Variants in TUSC3 observed in about 807,000 individuals in gnomAD.
TUSC3 encodes the protein dolichyl-diphosphooligosaccharide--protein glycosyltransferase subunit TUSC3.
TUSC3 carries 45 observed loss-of-function variants against 44.8 expected under a neutral mutation model. The ratio of observed to expected loss-of-function variants is 1.00; its 90% CI spans 0.79 to 1.29. The LOEUF (loss-of-function observed/expected upper bound fraction) is 1.29, where lower values mean the gene tolerates loss of function less well. Ranked by LOEUF, TUSC3 falls within the 50% of genes most tolerant of loss-of-function variation. The pLI, the probability that TUSC3 is intolerant of heterozygous loss-of-function variation, is 0.00. For missense variants in TUSC3, 519 were observed against 437.9 expected (o/e 1.19, Z -1.65); for synonymous variants, 212 against 152.9 (o/e 1.39, Z -2.85).
intron 2 of TUSC3, among the ~76,000 whole-genome samples, chr8:15,641,663 A>C (rs1359688669): frequency 6.6e-6 from 1 of 152,172 alleles, no homozygotes; most frequent in Non-Finnish European, 1.5e-5. Context: ...TTGTCATGCT[A>C]AAAAGGGGAA....
chr8:15,518,990 A>G (rs927780200), intron 2 of TUSC3, among the ~76,000 whole-genome samples: 1 of 152,224 alleles, frequency 6.6e-6, no homozygotes, highest in African/African-American at 2.4e-5. Context: ...AAATCTCTGT[A>G]TGCAAATAAA....
the TUSC3 span, among the ~76,000 whole-genome samples, chr8:15,821,430 C>T: frequency 0.01 from 1,435 of 139,904 alleles, 31 homozygotes; most frequent in African/African-American, 0.035. Context: ...TATGTCTTTC[C>T]GATGATTTGG....
the TUSC3 span, among the ~76,000 whole-genome samples, chr8:15,772,103 G>C: frequency 6.6e-6 from 1 of 151,522 alleles, no homozygotes; most frequent in African/African-American, 2.4e-5. Flanking sequence ...AGAAAAAAAA[G>C]AAAAAGAAAG....
chr8:15,620,896 T>C (rs1301457288), intron 1 of TUSC3, among the ~76,000 whole-genome samples: 1 of 152,212 alleles, frequency 6.6e-6, no homozygotes, highest in Non-Finnish European at 1.5e-5. Flanking sequence ...TTTTCATAGA[T>C]ACATATTTGG....
intron 2 of TUSC3, among the ~76,000 whole-genome samples, chr8:15,494,729 G>T (rs1241613365): frequency 6.6e-6 from 1 of 152,306 alleles, no homozygotes; most frequent in South Asian, 2.1e-4. Flanking sequence ...AGAATATCCA[G>T]ACAGAACGGA....
At chr8:15,490,587 G>C (rs1351098915) in intron 2 of TUSC3, among the ~76,000 whole-genome samples, 2 of 152,174 alleles carry the variant, frequency 1.3e-5, no homozygotes, top group African/African-American at 4.8e-5. Context: ...GCCCAGCTCA[G>C]ACACAAAGTG....
chr8:15,656,627 G>T (rs1807178278), intron 3 of TUSC3, among the ~76,000 whole-genome samples: 2 of 145,334 alleles, frequency 1.4e-5, no homozygotes, highest in Non-Finnish European at 3.0e-5. Context: ...CCAAGCCCAC[G>T]CAACAGCTCT....
At chr8:15,498,904 C>A (rs1200155567) in intron 2 of TUSC3, among the ~76,000 whole-genome samples, 1 of 152,192 alleles carries the variant, frequency 6.6e-6, no homozygotes, top group African/African-American at 2.4e-5. Context: ...TCCCATATTA[C>A]TTATAGTGTT....
chr8:15,781,091 TC>T, the TUSC3 span, among the ~76,000 whole-genome samples: 1 of 152,158 alleles, frequency 6.6e-6, no homozygotes, highest in African/African-American at 2.4e-5. Flanking sequence ...GCTTAGCACT[TC>T]CTGAGTGTTC....
At chr8:15,479,884 T>C (rs111424368) in intron 1 of TUSC3, among the ~76,000 whole-genome samples, 2,694 of 152,274 alleles carry the variant, frequency 0.018, 82 homozygotes, top group African/African-American at 0.061. Flanking sequence ...GATGATATGG[T>C]CCTATATGTG....
At chr8:15,446,088 G>T (rs141923264) in intron 1 of TUSC3, among the ~76,000 whole-genome samples, 1 of 150,208 alleles carries the variant, frequency 6.7e-6, no homozygotes, top group African/African-American at 2.5e-5. Flanking sequence ...CCTCCCAGAC[G>T]GGGTGGCGGT....
Position 15,764,185 on chromosome 8 carries a change from ATTTT to A in TUSC3, c.*47-17_*47-14del, listed in dbSNP as rs1812262173. On this transcript the variant is annotated splice_polypyrimidine_tract_variant and intron_variant, in intron 10 of 10. Coordinates refer to ENST00000503731, the MANE Select transcript of TUSC3 (RefSeq NM_006765.4). Reference sequence around the variant, plus strand: ...TATGTTCTATGTTCAGCACATAATAATTTTCTTTCTTTTTCAGCTTTTTAATTAA... The same window carrying A: ...TATGTTCTATGTTCAGCACATAATAACTTTCTTTTTCAGCTTTTTAATTAA... 1 of 1,597,722 alleles carries A rather than the reference ATTTT, an allele frequency of 6.3e-7. No homozygotes were observed. The highest frequency in any genetic ancestry group is 8.6e-7 in the Non-Finnish European group (1 of 1,166,952).
At chr8:15,781,830 C>T in the TUSC3 span, among the ~76,000 whole-genome samples, 1 of 152,038 alleles carries the variant, frequency 6.6e-6, no homozygotes, top group East Asian at 1.9e-4. Context: ...CCAAACAAAG[C>T]TACTATAAGA....
chr8:15,529,838 C>T (rs568628388), intron 2 of TUSC3, among the ~76,000 whole-genome samples: 4 of 117,990 alleles, frequency 3.4e-5, no homozygotes, highest in East Asian at 2.7e-4. Flanking sequence ...TTGCCCAGGC[C>T]GGACTGCGGA....
intron 2 of TUSC3, among the ~76,000 whole-genome samples, chr8:15,521,657 C>A (rs1025347987): frequency 6.6e-6 from 1 of 152,086 alleles, no homozygotes; most frequent in Non-Finnish European, 1.5e-5. Context: ...AGAAAGTTTA[C>A]GAATTTATGT....
intron 7 of TUSC3, among the ~76,000 whole-genome samples, chr8:15,737,978 A>T (rs1315587331): frequency 6.6e-6 from 1 of 152,134 alleles, no homozygotes; most frequent in African/African-American, 2.4e-5. Flanking sequence ...ACGATTCTCA[A>T]CTCAACTCCT....
chr8:15,679,311 A>G (rs942888605), intron 6 of TUSC3, among the ~76,000 whole-genome samples: 1 of 151,912 alleles, frequency 6.6e-6, no homozygotes, highest in Admixed American at 6.6e-5. Flanking sequence ...ACTTGTGGGA[A>G]ATGGTGTCTC....
intron 1 of TUSC3, among the ~76,000 whole-genome samples, chr8:15,586,848 C>A (rs927329885): frequency 2.6e-5 from 4 of 152,108 alleles, no homozygotes; most frequent in Admixed American, 1.3e-4. Flanking sequence ...CTTAGACCAC[C>A]ACCTTTGGCG....
chr8:15,429,288 A>G lies in TUSC3; in HGVS notation n.91+11983A>G, dbSNP rs1028097682. Among the ~76,000 whole-genome samples, 12 of 152,186 alleles carry G rather than the reference A, an allele frequency of 7.9e-5. No individual in the cohort carries two copies. In the South Asian group the frequency reaches 1.0e-3, roughly 13 times the overall value. Reference sequence around the variant, plus strand: ...AAAGATCAGATAGTTGCAGATATGCAGCATTATTTCTGAGGGCTCTGTTCT... The same window carrying G: ...AAAGATCAGATAGTTGCAGATATGCGGCATTATTTCTGAGGGCTCTGTTCT... On this transcript the variant is annotated intron_variant and non_coding_transcript_variant, in intron 1 of 5. Transcript: ENST00000503191.
Sources: allele counts gnomAD v4.1 joint callset (sites outside exome capture counted in the v4.1 genomes callset), GRCh38; gene constraint gnomAD v4.1.1; transcripts MANE v1.5; gene names NCBI Gene and HGNC (gene_info 2026-07-23, HGNC 2026-07-21).